AGBL4: variants seen among roughly 807,000 people sequenced by gnomAD.
AGBL4 encodes the protein AGBL carboxypeptidase 4, also known as cytosolic carboxypeptidase 6.
Under a neutral mutation model 66.4 loss-of-function variants are expected in AGBL4, and 58 were observed. The ratio of observed to expected loss-of-function variants is 0.87; its 90% CI spans 0.71 to 1.09. The LOEUF is 1.09. Ranked by LOEUF, AGBL4 falls within the 50% of genes least tolerant of loss-of-function variation. The pLI, the probability that AGBL4 is intolerant of heterozygous loss-of-function variation, is 0.00. For missense variants in AGBL4, 579 were observed against 631.0 expected, an observed-to-expected ratio of 0.92 and a Z score of 0.88; for synonymous variants, 234 against 222.9, an observed-to-expected ratio of 1.05 and a Z score of -0.44.
chr1:48,699,320 G>T (rs1013232876), intron 6 of AGBL4, among the ~76,000 whole-genome samples: 1 of 152,152 alleles, frequency 6.6e-6, no homozygotes, highest in Admixed American at 6.5e-5. Context: ...ACTTTGTGGC[G>T]ATGCTGTAAG....
intron 3 of AGBL4, among the ~76,000 whole-genome samples, chr1:49,546,244 C>CAT (rs1187769695): frequency 6.6e-6 from 1 of 151,634 alleles, no homozygotes; most frequent in Non-Finnish European, 1.5e-5. Context: ...AGTATTCCAT[C>CAT]ATATATATGT....
chr1:49,246,151 A>T (rs1293910771), intron 3 of AGBL4, among the ~76,000 whole-genome samples: 2 of 151,944 alleles, frequency 1.3e-5, no homozygotes, highest in Non-Finnish European at 2.9e-5. Context: ...CAGTGTCCTG[A>T]TCTGAAAAAT....
At chr1:49,191,761 C>A (rs1271613201) in intron 4 of AGBL4, among the ~76,000 whole-genome samples, 1 of 152,150 alleles carries the variant, frequency 6.6e-6, no homozygotes, top group African/African-American at 2.4e-5. Flanking sequence ...CGGCCCCCAG[C>A]TGCATCACTC....
In AGBL4 at chr1:49,116,596, A is replaced by T. The variant is rs1157546151; in HGVS notation, c.378-70796T>A. Among the ~76,000 whole-genome samples, 8 of 152,204 alleles carry T rather than the reference A, an allele frequency of 5.3e-5. No individual in the cohort carries two copies. The East Asian group carries it at 1.3e-3, about 26-fold the overall frequency. On this transcript the variant is annotated intron_variant, in intron 4 of 13. Coordinates refer to ENST00000371839, the MANE Select transcript of AGBL4 (RefSeq NM_032785.4). ...TAGTATTGCATGGTGTGTATGTCCCACATTTTCTTGATCCATTCTATCATT... is the reference window on the plus strand; with the variant it reads ...TAGTATTGCATGGTGTGTATGTCCCTCATTTTCTTGATCCATTCTATCATT...
intron 3 of AGBL4, among the ~76,000 whole-genome samples, chr1:49,444,361 A>G (rs1312227980): frequency 6.6e-6 from 1 of 151,948 alleles, no homozygotes; most frequent in African/African-American, 2.4e-5. Context: ...GTGTGGAGTT[A>G]AAGTCCTCTA....
chr1:50,001,980 C>A (rs970223039), intron 1 of AGBL4, among the ~76,000 whole-genome samples: 1 of 152,064 alleles, frequency 6.6e-6, no homozygotes, highest in African/African-American at 2.4e-5. Flanking sequence ...TGTATTTTAG[C>A]TTTTTCCTGA....
intron 2 of AGBL4, among the ~76,000 whole-genome samples, chr1:49,813,075 C>T (rs1202587884): frequency 2.6e-5 from 4 of 152,060 alleles, no homozygotes; most frequent in Admixed American, 1.3e-4. Context: ...TAGAATGTTC[C>T]GGGTTGAAGG....
At position 49,757,398 on chromosome 1, in the gene AGBL4, G is replaced by C. The variant is rs183472724; in HGVS notation, c.158-59961C>G. Among the ~76,000 whole-genome samples, 9 of 152,322 alleles carry C rather than the reference G, an allele frequency of 5.9e-5. No homozygotes were observed. The East Asian group carries it at 1.2e-3, about 20-fold the overall frequency. On this transcript the variant is annotated intron_variant, in intron 2 of 13. Transcript: ENST00000371839. ...TAATTGAAATGTGCATGTGACTTTA[G>C]AATTGGGTTACAGGCAGACATTGGA...
intron 2 of AGBL4, chr1:49,846,013 G>C (rs2148051105): frequency 6.3e-7 from 1 of 1,594,968 alleles, no homozygotes; most frequent in South Asian, 1.1e-5. Context: ...AATGCAACCA[G>C]TGTGGCAGAG....
chr1:49,193,189 G>A (rs1647156279), intron 4 of AGBL4, among the ~76,000 whole-genome samples: 1 of 149,648 alleles, frequency 6.7e-6, no homozygotes, highest in African/African-American at 2.4e-5. Flanking sequence ...GTATTTTTTT[G>A]GTCCCAATTT....
At chr1:50,013,317 C>T (rs974725008) in intron 1 of AGBL4, among the ~76,000 whole-genome samples, 2 of 152,058 alleles carry the variant, frequency 1.3e-5, no homozygotes, top group African/African-American at 4.8e-5. Flanking sequence ...AAGTTTCTCT[C>T]GTGAAGCTGA....
chr1:49,602,455 A>G (rs1389403453), intron 3 of AGBL4, among the ~76,000 whole-genome samples: 2 of 152,196 alleles, frequency 1.3e-5, no homozygotes, highest in African/African-American at 4.8e-5. Flanking sequence ...ATGCCCATCA[A>G]TGATAGACTA....
At chr1:49,071,691 A>C (rs1251420904) in intron 4 of AGBL4, among the ~76,000 whole-genome samples, 1 of 151,810 alleles carries the variant, frequency 6.6e-6, no homozygotes, top group Admixed American at 6.6e-5. Context: ...GAATAAGTGC[A>C]ATGTGGTGCT....
chr1:48,607,660 AT>A (rs1645173761), intron 9 of AGBL4, among the ~76,000 whole-genome samples: 1 of 152,088 alleles, frequency 6.6e-6, no homozygotes, highest in Admixed American at 6.6e-5. Flanking sequence ...GAACGGCACC[AT>A]TCTAGTATCT....
intron 3 of AGBL4, among the ~76,000 whole-genome samples, chr1:49,554,925 G>A (rs536066038): frequency 6.6e-6 from 1 of 152,294 alleles, no homozygotes; most frequent in East Asian, 1.9e-4. Flanking sequence ...GGCCTCAGGA[G>A]TGAAGCTGCA....
chr1:49,106,481 G>C (rs866179122), intron 4 of AGBL4, among the ~76,000 whole-genome samples: 5 of 152,158 alleles, frequency 3.3e-5, no homozygotes, highest in African/African-American at 1.2e-4. Flanking sequence ...AATTCCCAGT[G>C]ATTCTGCATT....
At chr1:49,171,612 T>C (rs1289868048) in intron 4 of AGBL4, among the ~76,000 whole-genome samples, 6 of 152,234 alleles carry the variant, frequency 3.9e-5, no homozygotes, top group Non-Finnish European at 7.3e-5. Context: ...GTCATTCCAC[T>C]GACCATCACC....
At chr1:49,005,027 A>G (rs1661675691) in intron 5 of AGBL4, among the ~76,000 whole-genome samples, 1 of 152,222 alleles carries the variant, frequency 6.6e-6, no homozygotes, top group Non-Finnish European at 1.5e-5. Flanking sequence ...GGGAATGGGT[A>G]TAGGCAGAGC....
At chr1:49,158,319 A>G (rs1004044536) in intron 4 of AGBL4, among the ~76,000 whole-genome samples, 1 of 152,162 alleles carries the variant, frequency 6.6e-6, no homozygotes, top group Non-Finnish European at 1.5e-5. Context: ...AAAAGCCACA[A>G]TTGACAAATG....
Sources: allele counts gnomAD v4.1 joint callset (sites outside exome capture counted in the v4.1 genomes callset), GRCh38; gene constraint gnomAD v4.1.1; transcripts MANE v1.5; gene names NCBI Gene and HGNC (gene_info 2026-07-23, HGNC 2026-07-21).